The following ADGRF5 variants were observed in gnomAD, a reference collection of about 807,000 sequenced individuals.
The protein encoded by ADGRF5 is G-protein coupled receptor 116.
In ADGRF5, 75 loss-of-function variants were observed where a neutral mutation model predicts 132.3. The ratio of observed to expected loss-of-function variants is 0.57; its 90% CI spans 0.47 to 0.69. The LOEUF (loss-of-function observed/expected upper bound fraction) is 0.69. Ranked by LOEUF, ADGRF5 falls within the 30% of genes least tolerant of loss-of-function variation. ADGRF5 has a pLI of 0.00. For synonymous variants in ADGRF5, 629 were observed against 597.6 expected (o/e 1.05, Z -0.77); for missense variants, 1,516 against 1,630.6 (o/e 0.93, Z 1.21).
chr6:46,902,370 C>T (rs762640293), intron 2 of ADGRF5, among the ~76,000 whole-genome samples: 2 of 152,242 alleles, frequency 1.3e-5, no homozygotes, highest in Non-Finnish European at 2.9e-5. Context: ...TTGGGCAGTT[C>T]TCCCAGGTCG....
chr6:46,862,389 C>T (rs962789649), intron 15 of ADGRF5, among the ~76,000 whole-genome samples: 2 of 152,160 alleles, frequency 1.3e-5, no homozygotes, highest in Non-Finnish European at 2.9e-5. Context: ...GTAAGAGAGG[C>T]AGGGTAGTTG....
At chr6:46,910,923 C>T (rs1291337785) in intron 1 of ADGRF5, among the ~76,000 whole-genome samples, 1 of 152,142 alleles carries the variant, frequency 6.6e-6, no homozygotes, top group African/African-American at 2.4e-5. Context: ...TCTTGAAGTC[C>T]TGTTACTATT....
At chr6:46,867,757 G>A (rs750550566) in intron 12 of ADGRF5, among the ~76,000 whole-genome samples, 17 of 151,714 alleles carry the variant, frequency 1.1e-4, no homozygotes, top group Non-Finnish European at 2.2e-4. Context: ...ACCAGAGGGC[G>A]AACGAGCAAA....
chr6:46,932,552 T>C (rs1258459238), intron 1 of ADGRF5, among the ~76,000 whole-genome samples: 1 of 152,138 alleles, frequency 6.6e-6, no homozygotes, highest in Admixed American at 6.5e-5. Flanking sequence ...TTAATAGGGG[T>C]ACAGAGCTCC....
At chr6:46,953,349 C>A (rs1323073613) in intron 1 of ADGRF5, among the ~76,000 whole-genome samples, 1 of 152,044 alleles carries the variant, frequency 6.6e-6, no homozygotes, top group Non-Finnish European at 1.5e-5. Flanking sequence ...AGGTCGGGCA[C>A]CATGGCTCCC....
At chr6:46,915,532 T>G (rs1252999410) in intron 1 of ADGRF5, among the ~76,000 whole-genome samples, 1 of 152,096 alleles carries the variant, frequency 6.6e-6, no homozygotes, top group East Asian at 1.9e-4. Context: ...AACATTACAG[T>G]AATTGGCAGG....
chr6:46,870,887 G>A (rs1167541668), intron 11 of ADGRF5: 2 of 421,840 alleles, frequency 4.7e-6, no homozygotes, highest in African/African-American at 4.4e-5. Flanking sequence ...TCTGTAGTGA[G>A]AACAGTTTTG....
chr6:46,880,358 T>A (rs200963886), intron 8 of ADGRF5, among the ~76,000 whole-genome samples: 2 of 150,454 alleles, frequency 1.3e-5, no homozygotes, highest in African/African-American at 2.4e-5. Context: ...CATTTTTTTA[T>A]AAAAAAAAAA....
At chr6:46,935,492 C>A (rs891639882) in intron 1 of ADGRF5, among the ~76,000 whole-genome samples, 5 of 152,136 alleles carry the variant, frequency 3.3e-5, no homozygotes, top group Non-Finnish European at 7.3e-5. Context: ...TCCCCATTTT[C>A]TCTTCATTAG....
At chr6:46,925,281 C>T (rs1382158932), upstream of ADGRF5, among the ~76,000 whole-genome samples, 1 of 152,026 alleles carries the variant, frequency 6.6e-6, no homozygotes, top group African/African-American at 2.4e-5. Flanking sequence ...CTCACTCCAT[C>T]ACCTCATTCT....
intron 1 of ADGRF5, among the ~76,000 whole-genome samples, chr6:46,913,354 C>T (rs1205200020): frequency 1.3e-5 from 2 of 152,134 alleles, no homozygotes; most frequent in Non-Finnish European, 2.9e-5. Context: ...CAAAAATCAG[C>T]CAGGCATTGT....
At chr6:46,954,318 T>C (rs922853191) in intron 1 of ADGRF5, among the ~76,000 whole-genome samples, 1 of 152,020 alleles carries the variant, frequency 6.6e-6, no homozygotes, top group Non-Finnish European at 1.5e-5. Flanking sequence ...GCAAATTCTC[T>C]GTCAAATCTA....
chr6:46,893,041 T>A (rs1163027209), intron 3 of ADGRF5, among the ~76,000 whole-genome samples: 1 of 142,656 alleles, frequency 7.0e-6, no homozygotes, highest in Non-Finnish European at 1.5e-5. Flanking sequence ...AAGGCAAGAG[T>A]GATGGGGACA....
intron 13 of ADGRF5, among the ~76,000 whole-genome samples, chr6:46,866,059 G>C (rs1200423235): frequency 6.6e-6 from 1 of 152,096 alleles, no homozygotes; most frequent in Non-Finnish European, 1.5e-5. Flanking sequence ...AATCCCTAGG[G>C]ATCTGGATTA....
chr6:46,900,243 TG>T (rs1307053057), intron 2 of ADGRF5, among the ~76,000 whole-genome samples, 160 bp from the exon 3 acceptor site: 1 of 152,106 alleles, frequency 6.6e-6, no homozygotes, highest in African/African-American at 2.4e-5. Context: ...AGCAATGAAA[TG>T]GTTTGGAAGA....
intron 8 of ADGRF5, 73 bp from the exon 9 acceptor site, chr6:46,880,112 C>T: frequency 9.9e-7 from 1 of 1,011,668 alleles, no homozygotes; most frequent in Non-Finnish European, 1.5e-6. Flanking sequence ...CCACACACAA[C>T]CACCACAAGG....
At chr6:46,901,425 G>A (rs762571550) in intron 2 of ADGRF5, among the ~76,000 whole-genome samples, 5 of 152,048 alleles carry the variant, frequency 3.3e-5, no homozygotes, top group Admixed American at 6.5e-5. Context: ...ATCCATGACC[G>A]CCACCTGGGG....
At chr6:46,914,722 T>C (rs1214888438) in intron 1 of ADGRF5, among the ~76,000 whole-genome samples, 7 of 151,864 alleles carry the variant, frequency 4.6e-5, no homozygotes, top group Admixed American at 4.6e-4. Context: ...ATCTAGTCCG[T>C]CTTGCATTAA....
At chr6:46,889,880 T>A (rs1423104483) in intron 3 of ADGRF5, among the ~76,000 whole-genome samples, 1 of 151,582 alleles carries the variant, frequency 6.6e-6, no homozygotes, top group Non-Finnish European at 1.5e-5. Context: ...TCATGTTTCT[T>A]TCACTTCTCT....
Sources: allele counts gnomAD v4.1 joint callset (sites outside exome capture counted in the v4.1 genomes callset), GRCh38; gene constraint gnomAD v4.1.1; transcripts MANE v1.5; gene names NCBI Gene and HGNC (gene_info 2026-07-23, HGNC 2026-07-21).